The following GRIK2 variants were observed in gnomAD, a reference collection of about 807,000 sequenced individuals.
GRIK2 encodes glutamate ionotropic receptor kainate type subunit 2, also known as glutamate receptor ionotropic, kainate 2.
A neutral mutation model predicts 100.3 loss-of-function variants in GRIK2; 32 were observed. That is an observed-to-expected ratio of 0.32 (90% CI 0.24 to 0.43). The LOEUF is 0.43. Ranked by LOEUF, GRIK2 falls within the 20% of genes least tolerant of loss-of-function variation. The pLI, the probability that GRIK2 is intolerant of heterozygous loss-of-function variation, is 1.00. For synonymous variants in GRIK2, 417 were observed against 389.4 expected, an observed-to-expected ratio of 1.07 and a Z score of -0.83; for missense variants, 843 against 1,114.9, an observed-to-expected ratio of 0.76 and a Z score of 3.47.
intron 7 of GRIK2, among the ~76,000 whole-genome samples, chr6:101,792,131 A>G (rs1053892856): frequency 7.2e-5 from 11 of 151,804 alleles, no homozygotes; most frequent in Admixed American, 4.6e-4. Flanking sequence ...TCCTGAATAC[A>G]GCACACTGAT....
intron 2 of GRIK2, among the ~76,000 whole-genome samples, chr6:101,559,719 A>T (rs1327857678): frequency 6.6e-6 from 1 of 152,014 alleles, no homozygotes; most frequent in Non-Finnish European, 1.5e-5. Flanking sequence ...CATATTTGTG[A>T]TTTCCTTGAG....
chr6:101,670,327 C>G (rs1379089646), intron 4 of GRIK2, among the ~76,000 whole-genome samples: 1 of 151,998 alleles, frequency 6.6e-6, no homozygotes, highest in Non-Finnish European at 1.5e-5. Context: ...GCAGGTCCTA[C>G]TAGTAGTGAG....
intron 4 of GRIK2, among the ~76,000 whole-genome samples, chr6:101,671,942 T>C (rs1269299982): frequency 6.6e-6 from 1 of 152,144 alleles, no homozygotes; most frequent in Non-Finnish European, 1.5e-5. Context: ...CAGGTGTCTG[T>C]GGAGCCACTT....
At position 101,678,992 on chromosome 6, in the gene GRIK2, A is replaced by G. The variant is rs933392323; in HGVS notation, c.723+2188A>G. The stretch of plus-strand genomic sequence containing the variant: ...AGGCAAGTTGAGTACACTAATTGGC[A>G]TGCATGCCTCCATAGCAGATGATTC... On this transcript the variant is annotated intron_variant, in intron 5 of 16. Coordinates refer to ENST00000369134, the MANE Select transcript of GRIK2 (RefSeq NM_021956.5). Among the ~76,000 whole-genome samples, 6 of 152,316 alleles carry G rather than the reference A, an allele frequency of 3.9e-5. No homozygotes were observed. In the East Asian group the frequency reaches 1.2e-3, roughly 29 times the overall value.
chr6:101,932,148 A>G (rs185886488), intron 14 of GRIK2, among the ~76,000 whole-genome samples: 1 of 152,146 alleles, frequency 6.6e-6, no homozygotes, highest in East Asian at 1.9e-4. Flanking sequence ...CCTTGTTTCT[A>G]TGAAATCCAT....
intron 14 of GRIK2, among the ~76,000 whole-genome samples, chr6:101,942,813 T>C (rs1335895859): frequency 6.6e-6 from 1 of 152,182 alleles, no homozygotes; most frequent in Non-Finnish European, 1.5e-5. Flanking sequence ...AAGCAAAGCA[T>C]AAAAGTTTGG....
intron 2 of GRIK2, among the ~76,000 whole-genome samples, chr6:101,458,633 G>C (rs1200282806): frequency 1.3e-5 from 2 of 152,104 alleles, no homozygotes; most frequent in African/African-American, 4.8e-5. Flanking sequence ...TTATCTGCCT[G>C]GCACAAAAGA....
chr6:101,690,221 G>A lies in GRIK2; in HGVS notation c.951+3868G>A, dbSNP rs138744973. Among the ~76,000 whole-genome samples the A allele has an allele frequency of 2.5e-3, 383 of 152,024 alleles. 6 individuals are homozygous for A. Among genetic ancestry groups the A allele is most frequent in the African/African-American group, 9.0e-3 (371 of 41,440 alleles). On this transcript the variant is annotated intron_variant, in intron 7 of 16. Transcript: ENST00000369134. ...ATTCAGTAGCTTAATTTAATTATCA[G>A]TATTTTTTTTCTTGTGCTGATAGAT...
intron 9 of GRIK2, among the ~76,000 whole-genome samples, chr6:101,808,010 TG>T (rs1175661807): frequency 6.6e-6 from 1 of 152,082 alleles, no homozygotes; most frequent in Non-Finnish European, 1.5e-5. Flanking sequence ...TGGTTTGTTT[TG>T]TTTTTGTTGT....
chr6:101,532,806 G>A (rs1205494694), intron 2 of GRIK2, among the ~76,000 whole-genome samples: 2 of 151,626 alleles, frequency 1.3e-5, no homozygotes, highest in South Asian at 2.1e-4. Flanking sequence ...ATAAACCAAT[G>A]CAAAAATGCA....
At chr6:101,571,335 A>T (rs1046800291) in intron 2 of GRIK2, among the ~76,000 whole-genome samples, 5 of 152,132 alleles carry the variant, frequency 3.3e-5, no homozygotes, top group Admixed American at 6.6e-5. Flanking sequence ...AATAATAAAA[A>T]TAATAAAAAC....
chr6:101,604,451 G>T (rs942514935), intron 2 of GRIK2, among the ~76,000 whole-genome samples: 1 of 151,838 alleles, frequency 6.6e-6, no homozygotes, highest in Non-Finnish European at 1.5e-5. Context: ...AACTATGACA[G>T]AAATAAAGAA....
intron 2 of GRIK2, among the ~76,000 whole-genome samples, chr6:101,565,935 G>GTGTA (rs869172326): frequency 2.0e-4 from 22 of 109,498 alleles, no homozygotes; most frequent in Admixed American, 9.9e-4. Context: ...ATATATATGT[G>GTGTA]TATATATATA....
At chr6:101,511,897 TG>T (rs1339422464) in intron 2 of GRIK2, among the ~76,000 whole-genome samples, 1 of 152,024 alleles carries the variant, frequency 6.6e-6, no homozygotes, top group Non-Finnish European at 1.5e-5. Flanking sequence ...GAACAATTAT[TG>T]GTATTTTCAA....
chr6:101,457,990 C>T (rs1255839009), intron 2 of GRIK2, among the ~76,000 whole-genome samples: 3 of 151,904 alleles, frequency 2.0e-5, no homozygotes, highest in Non-Finnish European at 4.4e-5. Flanking sequence ...CTTTAAAAAG[C>T]AGAAAGCAAA....
At chr6:101,988,124 TGTGTGTGTGCGCGCGC>T (rs1385165409) in intron 14 of GRIK2, among the ~76,000 whole-genome samples, 14 of 26,134 alleles carry the variant, frequency 5.4e-4, no homozygotes, top group Admixed American at 8.9e-4. Flanking sequence ...TGTGTGTGTG[TGTGTGTGTGCGCGCGC>T]GCGCGCGCGC....
At chr6:101,485,910 T>C (rs1582554666) in intron 2 of GRIK2, among the ~76,000 whole-genome samples, 1 of 142,660 alleles carries the variant, frequency 7.0e-6, no homozygotes, top group Admixed American at 7.0e-5. Flanking sequence ...AGTTGCACCA[T>C]TGCGCTTTTT....
chr6:101,814,612 A>G (rs936933994), intron 9 of GRIK2, among the ~76,000 whole-genome samples: 10 of 152,140 alleles, frequency 6.6e-5, no homozygotes, highest in African/African-American at 2.4e-4. Context: ...AAGTAGAGAA[A>G]TTATTTTGGA....
At chr6:101,931,708 A>G (rs1263468423) in intron 14 of GRIK2, among the ~76,000 whole-genome samples, 1 of 152,118 alleles carries the variant, frequency 6.6e-6, no homozygotes, top group African/African-American at 2.4e-5. Context: ...CTCCTCAGAG[A>G]TAAATGTAAA....
Sources: gnomAD v4.1 joint callset for allele counts (sites outside exome capture counted in the v4.1 genomes callset) on GRCh38, gnomAD v4.1.1 for gene constraint, MANE v1.5 for transcripts, NCBI Gene and HGNC (gene_info 2026-07-23, HGNC 2026-07-21) for gene names.